The following POLR3F variants were observed in gnomAD, a reference collection of about 807,000 sequenced individuals.
POLR3F encodes the protein RNA polymerase III subunit F.
In POLR3F, 31 loss-of-function variants were observed where a neutral mutation model predicts 43.6. The observed-to-expected ratio is 0.71, with a 90% confidence interval of 0.53 to 0.96. The LOEUF (loss-of-function observed/expected upper bound fraction) is 0.96, where lower values mean the gene tolerates loss of function less well. Among genes scored for constraint, POLR3F ranks in the 40% least tolerant of loss-of-function variants. The pLI, the probability that POLR3F is intolerant of heterozygous loss-of-function variation, is 0.00. For synonymous variants in POLR3F, 114 were observed against 132.5 expected (o/e 0.86, Z 0.96); for missense variants, 316 against 391.7 (o/e 0.81, Z 1.63).
chr20:18,476,375 C>T lies in POLR3F; in HGVS notation c.429+1188C>T, dbSNP rs4814751. Reference sequence around the variant, plus strand: ...AGAATATGTAGTCTTTTATGTATGACTACTTTGACTTAGCATGATGTTTTC... The same window carrying T: ...AGAATATGTAGTCTTTTATGTATGATTACTTTGACTTAGCATGATGTTTTC... On this transcript the variant is annotated intron_variant, in intron 5 of 8. Coordinates refer to ENST00000377603, the MANE Select transcript of POLR3F (RefSeq NM_006466.4). 7.6e-3 allele frequency among the ~76,000 whole-genome samples: 1,151 copies of T among 152,282 alleles called. 23 individuals are homozygous for T. Among genetic ancestry groups the T allele is most frequent in the Admixed American group, 0.023 (357 of 15,296 alleles).
intron 2 of POLR3F, 135 bp from the exon 3 acceptor site, chr20:18,472,707 T>C: frequency 1.8e-6 from 1 of 544,098 alleles, no homozygotes; most frequent in South Asian, 2.7e-5. Flanking sequence ...TTGTTAGTGA[T>C]ATTTTGAAAA....
chr20:18,470,906 C>T (rs576192678), intron 2 of POLR3F, among the ~76,000 whole-genome samples: 1 of 152,242 alleles, frequency 6.6e-6, no homozygotes, highest in Non-Finnish European at 1.5e-5. Context: ...CATTTCTATC[C>T]CTGGTACTGC....
At chr20:18,479,942 A>G (rs1601259827) in intron 5 of POLR3F, 96 bp from the exon 6 acceptor site, 4 of 838,842 alleles carry the variant, frequency 4.8e-6, no homozygotes, top group African/African-American at 1.7e-5. Context: ...TCTTTGCAAT[A>G]ATTTTGTACA....
Position 18,483,872 on chromosome 20 carries a change from A to G in POLR3F, c.*314A>G. On this transcript the variant is annotated 3_prime_UTR_variant, in exon 9 of 9. Transcript: ENST00000377603. ...AGGAAAAAGATGCCAACATACCCGT[A>G]TTTACCAAGTACTATGATAATGGCT... 2 of 393,792 alleles carry G rather than the reference A, an allele frequency of 5.1e-6. No individual in the cohort carries two copies. The allele number at this position is 393,792 out of a possible 1,614,324, so 24.4% of individuals were successfully genotyped here.
intron 6 of POLR3F, 30 bp downstream of exon 6, chr20:18,480,211 A>AGG: frequency 6.3e-7 from 1 of 1,575,710 alleles, no homozygotes; most frequent in Non-Finnish European, 8.6e-7. Flanking sequence ...ACATCACTGC[A>AGG]AACCCTCTTG....
chr20:18,484,349 T>G lies in POLR3F; in HGVS notation c.*791T>G, dbSNP rs1461129197. ...TTAATGTCTGCAGTAGACTGAATGT[T>G]TGTGTGCCCCCAGAATTCTAATGTT... On this transcript the variant is annotated 3_prime_UTR_variant, in exon 9 of 9. Coordinates refer to ENST00000377603, the MANE Select transcript of POLR3F (RefSeq NM_006466.4). 2 of 389,570 alleles carry G rather than the reference T, an allele frequency of 5.1e-6. No homozygotes were observed. Among genetic ancestry groups the G allele is most frequent in the Non-Finnish European group, 9.1e-6 (2 of 220,782 alleles). 24.1% of individuals were successfully genotyped at this position (389,570 alleles called of 1,614,324 possible).
chr20:18,481,617 A>C lies in POLR3F; in HGVS notation c.682-2A>C, dbSNP rs1386313204. On this transcript the variant is annotated splice_acceptor_variant, in intron 7 of 8. Coordinates refer to ENST00000377603, the MANE Select transcript of POLR3F (RefSeq NM_006466.4). LOFTEE classifies it high-confidence loss of function. ...GTCCTTTCTGATGTATCCCTTTTTT[A>C]GGTAGAGTTATCCATGGAAGACATT... 1.3e-6 allele frequency: 2 copies of C among 1,589,886 alleles called. No homozygotes were observed. Among genetic ancestry groups the C allele is most frequent in the Admixed American group, 3.3e-5 (2 of 59,874 alleles).
rs1423340763 is a variant in POLR3F, at chr20:18,481,750, G to A, written c.813G>A (p.Arg271=). ...GSVDGHMKLY[R]AVNPIIPPTG... is the part of the protein sequence containing the mutation. ...TAGATGGACACATGAAACTGTACAG[G>A]GCAGTCAATCCAATCATCCCTCCCA... The change falls in exon 8 of 9, where the codon AGG becomes AGA. Residue 271 remains arginine, a synonymous_variant. Coordinates refer to ENST00000377603, the MANE Select transcript of POLR3F (RefSeq NM_006466.4). 1 of 1,613,026 alleles carries A rather than the reference G, an allele frequency of 6.2e-7. No individual in the cohort carries two copies. The highest frequency in any genetic ancestry group is 2.2e-5 in the East Asian group (1 of 44,806).
intron 2 of POLR3F, among the ~76,000 whole-genome samples, chr20:18,472,593 G>A (rs1466064559): frequency 1.3e-5 from 2 of 151,362 alleles, no homozygotes; most frequent in African/African-American, 4.8e-5. Flanking sequence ...TATGTAATTT[G>A]GATTTATATT....
chr20:18,472,796 A>T (rs764307388), intron 2 of POLR3F, 46 bp from the exon 3 acceptor site: 1 of 809,168 alleles, frequency 1.2e-6, no homozygotes, highest in Admixed American at 2.4e-5. Flanking sequence ...GATTTAACAT[A>T]TCTCCAAAAT....
intron 7 of POLR3F, among the ~76,000 whole-genome samples, chr20:18,480,983 G>A (rs1213543451): frequency 6.6e-6 from 1 of 152,106 alleles, no homozygotes; most frequent in Non-Finnish European, 1.5e-5. Flanking sequence ...GATGTCTAAA[G>A]TGCCTTTCTG....
chr20:18,484,079 G>GA lies in POLR3F; in HGVS notation c.*522dup, dbSNP rs1336268911. 15 of 398,374 alleles carry GA rather than the reference G, an allele frequency of 3.8e-5. No individual in the cohort carries two copies. The highest frequency in any genetic ancestry group is 6.2e-5 in the Non-Finnish European group (14 of 226,034). The allele number at this position is 398,374 out of a possible 1,614,324, so 24.7% of individuals were successfully genotyped here. The stretch of plus-strand genomic sequence containing the variant: ...GTGCAAACTTGGGGTATGACTGGGG[G>GA]AGAGTGGAACATGCCTTTTCCGCAC... On this transcript the variant is annotated 3_prime_UTR_variant, in exon 9 of 9. Transcript: ENST00000377603.
At position 18,481,751 on chromosome 20, in the gene POLR3F, G is replaced by A. The variant is rs1330243694; in HGVS notation, c.814G>A (p.Ala272Thr). Reference sequence around the variant, plus strand: ...AGATGGACACATGAAACTGTACAGGGCAGTCAATCCAATCATCCCTCCCAC... The same window carrying A: ...AGATGGACACATGAAACTGTACAGGACAGTCAATCCAATCATCCCTCCCAC... ...SVDGHMKLYR[A>T]VNPIIPPTGL... The change falls in exon 8 of 9, where the codon GCA (alanine) becomes ACA (threonine). Residue 272 changes from alanine to threonine, a missense_variant. This residue lies in a region of POLR3F where 85 missense variants were observed against 80.2 expected (regional missense o/e 1.06). Transcript: ENST00000377603. The A allele has an allele frequency of 2.5e-6, 4 of 1,612,902 alleles. No individual in the cohort carries two copies. The highest frequency in any genetic ancestry group is 1.1e-5 in the South Asian group (1 of 91,028).
At chr20:18,477,631 A>G (rs2059787307) in intron 5 of POLR3F, among the ~76,000 whole-genome samples, 1 of 152,258 alleles carries the variant, frequency 6.6e-6, no homozygotes, top group African/African-American at 2.4e-5. Flanking sequence ...CTATCATGAA[A>G]AGATATGAGT....
At chr20:18,473,139 CT>C (rs146331734) in intron 3 of POLR3F, 8,208 of 299,090 alleles carry the variant, frequency 0.027, 226 homozygotes, top group African/African-American at 0.1. Context: ...TAATCTTTCT[CT>C]TTTTTTTTTA....
Position 18,467,537 on chromosome 20 carries a change from C to T in POLR3F, c.31C>T (p.Pro11Ser), listed in dbSNP as rs761665340. MAEVKVKVQPPDADPVEIENR... is the reference protein window; with the variant it reads MAEVKVKVQPSDADPVEIENR... ...GGAGGTGAAGGTGAAGGTGCAGCCGCCTGACGCGGATCCGGTCGAAATAGA... is the reference window on the plus strand; with the variant it reads ...GGAGGTGAAGGTGAAGGTGCAGCCGTCTGACGCGGATCCGGTCGAAATAGA... Residue 11 changes from proline to serine, a missense_variant, in exon 1 of 9, where the codon CCT becomes TCT. Coordinates refer to ENST00000377603, the MANE Select transcript of POLR3F (RefSeq NM_006466.4). The T allele has an allele frequency of 1.2e-6, 2 of 1,614,160 alleles. No homozygotes were observed. Among genetic ancestry groups the T allele is most frequent in the African/African-American group, 1.3e-5 (1 of 74,958 alleles).
intron 2 of POLR3F, among the ~76,000 whole-genome samples, chr20:18,471,736 A>G (rs577850042): frequency 6.6e-6 from 1 of 152,336 alleles, no homozygotes; most frequent in South Asian, 2.1e-4. Flanking sequence ...TAATCCCAGC[A>G]CTTTGGGAGG....
chr20:18,470,818 T>C (rs2059746010), intron 2 of POLR3F: 1 of 152,404 alleles, frequency 6.6e-6, no homozygotes, highest in Non-Finnish European at 1.5e-5. Context: ...AGAAAGGGAG[T>C]GATTATTAAT....
Position 18,473,826 on chromosome 20 carries a change from C to T in POLR3F, c.316+368C>T, listed in dbSNP as rs1190287784. Among the ~76,000 whole-genome samples the T allele has an allele frequency of 3.3e-5, 5 of 152,152 alleles. No individual in the cohort carries two copies. The East Asian group carries it at 5.8e-4, about 18-fold the overall frequency. ...GTGAGCTTCAGTTTCTTTATCTTAT[C>T]TATAAATTGTGGATGCTGACACCTC... On this transcript the variant is annotated intron_variant, in intron 4 of 8. Coordinates refer to ENST00000377603, the MANE Select transcript of POLR3F (RefSeq NM_006466.4).
Sources: gnomAD v4.1 joint callset for allele counts (sites outside exome capture counted in the v4.1 genomes callset) on GRCh38, gnomAD v4.1.1 for gene constraint, gnomAD v4.1.1 regional missense constraint, MANE v1.5 for transcripts, NCBI Gene and HGNC (gene_info 2026-07-23, HGNC 2026-07-21) for gene names.